ZNF320: variants seen among roughly 807,000 people sequenced by gnomAD.
The protein encoded by ZNF320 is zinc finger protein 320, also known as zinc finger gene 320.
Under a neutral mutation model 6.8 loss-of-function variants are expected in ZNF320, and 2 were observed. The ratio of observed to expected loss-of-function variants is 0.29; its 90% CI spans 0.12 to 0.93. ZNF320 has a LOEUF of 0.93. ZNF320 is among the 40% of genes least tolerant of loss of function. The pLI is 0.55. For synonymous variants in ZNF320, 208 were observed against 203.2 expected (o/e 1.02, Z -0.20); for missense variants, 472 against 611.0 (o/e 0.77, Z 2.40).
At chr19:52,903,468 T>C in the ZNF320 span, among the ~76,000 whole-genome samples, 1 of 152,142 alleles carries the variant, frequency 6.6e-6, no homozygotes, top group Non-Finnish European at 1.5e-5. Context: ...GTCTGTGTAC[T>C]GAAACTGGTC....
chr19:52,892,645 T>C (rs560469935), intron 2 of ZNF320, among the ~76,000 whole-genome samples: 61 of 152,270 alleles, frequency 4.0e-4, no homozygotes, highest in Admixed American at 2.4e-3. Context: ...CTCTTGCTGC[T>C]CCTTCTCCCC....
chr19:52,892,030 A>G (rs752074435), intron 2 of ZNF320: 6 of 152,198 alleles, frequency 3.9e-5, no homozygotes, highest in African/African-American at 7.2e-5. Flanking sequence ...TTATAGTAAC[A>G]TATATAAAAT....
chr19:52,889,194 A>G (rs202144157), intron 4 of ZNF320, among the ~76,000 whole-genome samples: 7 of 107,728 alleles, frequency 6.5e-5, no homozygotes, highest in Non-Finnish European at 1.3e-4. Context: ...AAAAAAAAAG[A>G]AAAAAAAAGT....
chr19:52,885,388 C>T (rs993403150), intron 5 of ZNF320, among the ~76,000 whole-genome samples: 13 of 152,090 alleles, frequency 8.5e-5, no homozygotes, highest in Admixed American at 5.9e-4. Flanking sequence ...CGAGACCAGC[C>T]TGGACAACAA....
intron 4 of ZNF320, among the ~76,000 whole-genome samples, chr19:52,889,562 A>G (rs1387347140): frequency 1.3e-5 from 2 of 152,224 alleles, no homozygotes; most frequent in African/African-American, 4.8e-5. Context: ...CAGTTTTACC[A>G]CAAACACCTG....
exon 6 of ZNF320, chr19:52,862,119 TC>T: frequency 2.6e-6 from 1 of 381,386 alleles, no homozygotes. Flanking sequence ...TTACGGATTC[TC>T]CAATGATTTG....
intron 5 of ZNF320, among the ~76,000 whole-genome samples, chr19:52,869,292 T>A (rs773798589): frequency 6.6e-6 from 1 of 152,162 alleles, no homozygotes; most frequent in Admixed American, 6.5e-5. Context: ...CAGTTTTACA[T>A]CTCTTAAATT....
chr19:52,892,778 C>G (rs199619406), intron 2 of ZNF320, among the ~76,000 whole-genome samples: 2,201 of 151,600 alleles, frequency 0.015, 32 homozygotes, highest in Middle Eastern at 0.037. Context: ...CTCTCTGGCA[C>G]CCCAGATCCC....
chr19:52,896,827 C>T (rs576870399), intron 1 of ZNF320, among the ~76,000 whole-genome samples: 1 of 152,312 alleles, frequency 6.6e-6, no homozygotes, highest in African/African-American at 2.4e-5. Context: ...TCTCCCCATC[C>T]GGAGTAACAA....
chr19:52,884,988 G>A (rs577480133), intron 5 of ZNF320, among the ~76,000 whole-genome samples: 9 of 151,958 alleles, frequency 5.9e-5, no homozygotes, highest in Non-Finnish European at 8.8e-5. Flanking sequence ...CTGAGGTCAG[G>A]AGATCAAGAC....
At chr19:52,865,751 TTATATATATGATTATACACATATATTTA>T (rs1568693349) in intron 5 of ZNF320, among the ~76,000 whole-genome samples, 7 of 126,074 alleles carry the variant, frequency 5.6e-5, no homozygotes, top group African/African-American at 1.9e-4. Context: ...ACACATATAT[TTATATATATGATTATACACATATATTTA>T]TATATATGAT....
chr19:52,885,724 T>A (rs8106886), intron 5 of ZNF320, among the ~76,000 whole-genome samples: 109,123 of 150,766 alleles, frequency 0.72, 39,890 homozygotes, highest in Middle Eastern at 0.79. Context: ...CTCAAAAAAA[T>A]AAATAAATAA....
chr19:52,889,893 G>A (rs1292022255), intron 4 of ZNF320, among the ~76,000 whole-genome samples: 2 of 152,070 alleles, frequency 1.3e-5, no homozygotes, highest in Admixed American at 6.6e-5. Flanking sequence ...ATTGGCAGCT[G>A]CTCTAATCCT....
chr19:52,873,871 GGTGA>G, downstream of ZNF320: 3 of 310,762 alleles, frequency 9.7e-6, no homozygotes, highest in South Asian at 9.6e-5. Flanking sequence ...AAAAGGCATG[GGTGA>G]GTGTGAGCAA....
At chr19:52,897,080 C>A (rs2147908495) in intron 1 of ZNF320, among the ~76,000 whole-genome samples, 1 of 152,376 alleles carries the variant, frequency 6.6e-6, no homozygotes, top group East Asian at 1.9e-4. Flanking sequence ...CTAAAACTTT[C>A]TAAACGGGTC....
chr19:52,890,109 A>G, intron 4 of ZNF320, 132 bp downstream of exon 4: 1 of 1,399,094 alleles, frequency 7.1e-7, no homozygotes. Context: ...AGAGGGACTG[A>G]GGGAAGGCAT....
Position 52,868,746 on chromosome 19 carries a change from T to A in ZNF320, c.224-4587A>T, listed in dbSNP as rs537155340. Among the ~76,000 whole-genome samples the A allele has an allele frequency of 1.8e-3, 273 of 151,862 alleles. 2 individuals carry two copies. The highest frequency in any genetic ancestry group is 6.2e-3 in the African/African-American group (257 of 41,402). On this transcript the variant is annotated intron_variant, in intron 5 of 5. Coordinates refer to the ZNF320 transcript ENST00000673631. ...CTGCAAGGAGAACAGAATGAAATAC[T>A]ACAAGGGGGATACAAGCAAGGGCTG...
intron 1 of ZNF320, among the ~76,000 whole-genome samples, chr19:52,896,311 G>A (rs936551161): frequency 2.0e-5 from 3 of 152,138 alleles, no homozygotes; most frequent in Non-Finnish European, 2.9e-5. Flanking sequence ...GGCTGGTCTC[G>A]AACTCCTGAC....
rs186150476 is a variant in ZNF320, at chr19:52,883,072, C to T, written c.143-1089G>A. The stretch of plus-strand genomic sequence containing the variant: ...TTTTTATTTTTTTGAGATGGAGTCT[C>T]ACTCTGTCACCCAGGCTGGAGTGCA... On this transcript the variant is annotated intron_variant, in intron 5 of 5. Coordinates refer to ENST00000682928, the MANE Select transcript of ZNF320 (RefSeq NM_001351774.2). Among the ~76,000 whole-genome samples the T allele has an allele frequency of 6.2e-3, 948 of 152,064 alleles. 12 individuals are homozygous for T. The highest frequency in any genetic ancestry group is 0.01 in the Middle Eastern group (3 of 294).
Sources: allele counts gnomAD v4.1 joint callset (sites outside exome capture counted in the v4.1 genomes callset), GRCh38; gene constraint gnomAD v4.1.1; transcripts MANE v1.5; gene names NCBI Gene and HGNC (gene_info 2026-07-23, HGNC 2026-07-21).